GABRG3: variants seen among roughly 807,000 people sequenced by gnomAD.
The protein encoded by GABRG3 is gamma-aminobutyric acid receptor subunit gamma-3.
A neutral mutation model predicts 48.8 loss-of-function variants in GABRG3; 25 were observed. The observed-to-expected ratio is 0.51, with a 90% CI of 0.37 to 0.72. GABRG3 has a LOEUF of 0.72. Among genes scored for constraint, GABRG3 ranks in the 30% least tolerant of loss-of-function variants. The probability of loss-of-function intolerance (pLI) is 0.00; values close to 1 mark genes in which losing one functional copy is unlikely to be tolerated. For missense variants in GABRG3, 394 were observed against 577.9 expected (o/e 0.68, Z 3.26); for synonymous variants, 227 against 217.6 (o/e 1.04, Z -0.38).
chr15:27,222,962 C>T (rs544773021), intron 3 of GABRG3, among the ~76,000 whole-genome samples: 188 of 152,326 alleles, frequency 1.2e-3, no homozygotes, highest in Non-Finnish European at 2.4e-3. Context: ...AACTTTCAAG[C>T]ATAAGAGATT....
intron 3 of GABRG3, among the ~76,000 whole-genome samples, chr15:27,287,145 GCCTATGTAT>G (rs1214599939): frequency 1.3e-5 from 2 of 152,136 alleles, no homozygotes; most frequent in Non-Finnish European, 2.9e-5. Flanking sequence ...TTGTGAATGT[GCCTATGTAT>G]CCTTCAGCAC....
chr15:27,229,071 A>G (rs1376544809), intron 3 of GABRG3, among the ~76,000 whole-genome samples: 1 of 152,222 alleles, frequency 6.6e-6, no homozygotes, highest in African/African-American at 2.4e-5. Context: ...AAGTTTAATT[A>G]GATCCCACTT....
chr15:27,393,067 T>C (rs1202570076), intron 5 of GABRG3, among the ~76,000 whole-genome samples: 3 of 152,132 alleles, frequency 2.0e-5, no homozygotes, highest in Admixed American at 6.5e-5. Context: ...GGATGTGGTC[T>C]GGGCGCAGTG....
At chr15:27,156,417 A>G (rs1898430625) in intron 3 of GABRG3, among the ~76,000 whole-genome samples, 1 of 151,642 alleles carries the variant, frequency 6.6e-6, no homozygotes. Flanking sequence ...TAAAATTCCC[A>G]TGCATTGGTG....
chr15:27,066,722 C>T (rs1363374991), intron 3 of GABRG3, among the ~76,000 whole-genome samples: 2 of 151,976 alleles, frequency 1.3e-5, no homozygotes, highest in African/African-American at 2.4e-5. Context: ...GTCACTTTTC[C>T]TGGACGCCCA....
intron 3 of GABRG3, among the ~76,000 whole-genome samples, chr15:27,320,473 G>A (rs552040849): frequency 6.6e-5 from 10 of 152,220 alleles, no homozygotes; most frequent in African/African-American, 1.7e-4. Context: ...AACTTTACAC[G>A]AGAGAAACCT....
intron 5 of GABRG3, among the ~76,000 whole-genome samples, chr15:27,376,485 G>A (rs562809207): frequency 2.0e-5 from 3 of 152,318 alleles, no homozygotes; most frequent in South Asian, 2.1e-4. Context: ...AAACTTCTGC[G>A]TGGGCATCCA....
intron 3 of GABRG3, among the ~76,000 whole-genome samples, chr15:27,302,982 C>T (rs530843618): frequency 2.9e-4 from 44 of 151,760 alleles, no homozygotes; most frequent in African/African-American, 1.0e-3. Context: ...TAAAAGACTG[C>T]TTAGAGAGAA....
chr15:26,996,386 C>T (rs1017045249), intron 2 of GABRG3, among the ~76,000 whole-genome samples: 1 of 152,030 alleles, frequency 6.6e-6, no homozygotes, highest in African/African-American at 2.4e-5. Context: ...ATATTAATCA[C>T]TTTGAATATG....
chr15:27,264,209 A>G (rs1384479621), intron 3 of GABRG3, among the ~76,000 whole-genome samples: 3 of 152,034 alleles, frequency 2.0e-5, no homozygotes, highest in Non-Finnish European at 4.4e-5. Context: ...CCCAAATACT[A>G]AACATAAAAT....
At chr15:27,528,580 G>A (rs1214990760) in intron 9 of GABRG3, among the ~76,000 whole-genome samples, 1 of 152,144 alleles carries the variant, frequency 6.6e-6, no homozygotes, top group African/African-American at 2.4e-5. Flanking sequence ...TTGCCAAATA[G>A]CACTCCACCA....
At chr15:27,296,288 TGAA>T (rs1249099469) in intron 3 of GABRG3, among the ~76,000 whole-genome samples, 1 of 152,020 alleles carries the variant, frequency 6.6e-6, no homozygotes, top group Non-Finnish European at 1.5e-5. Context: ...TTTAACTGAC[TGAA>T]AAAGAAGTTG....
intron 2 of GABRG3, among the ~76,000 whole-genome samples, chr15:27,025,565 T>C: frequency 6.6e-6 from 1 of 152,188 alleles, no homozygotes; most frequent in East Asian, 1.9e-4. Context: ...TGACAGACGT[T>C]GTAGGAGTTG....
intron 5 of GABRG3, among the ~76,000 whole-genome samples, chr15:27,472,708 T>A (rs1889822267): frequency 6.6e-6 from 1 of 152,224 alleles, no homozygotes; most frequent in African/African-American, 2.4e-5. Context: ...ATGATCTTGC[T>A]TTCAATTTTA....
intron 3 of GABRG3, among the ~76,000 whole-genome samples, chr15:27,099,860 A>T (rs1367879085): frequency 6.6e-6 from 1 of 152,184 alleles, no homozygotes; most frequent in Non-Finnish European, 1.5e-5. Flanking sequence ...TTCTACAGCC[A>T]CTAAAGGGAT....
chr15:26,995,143 A>T, intron 2 of GABRG3, among the ~76,000 whole-genome samples: 1 of 152,100 alleles, frequency 6.6e-6, no homozygotes, highest in Non-Finnish European at 1.5e-5. Flanking sequence ...TGTTAGGTAC[A>T]TAAATATTTA....
At chr15:27,341,139 T>A (rs756604905) in intron 5 of GABRG3, 1 of 277,634 alleles carries the variant, frequency 3.6e-6, no homozygotes, top group Non-Finnish European at 7.4e-6. Flanking sequence ...GTTTTGTTTT[T>A]ATATGTGGCT....
chr15:27,459,069 A>G (rs985410490), intron 5 of GABRG3, among the ~76,000 whole-genome samples: 2 of 152,202 alleles, frequency 1.3e-5, no homozygotes, highest in African/African-American at 4.8e-5. Context: ...CTTTCCCCAG[A>G]AATACTTCCC....
chr15:27,279,852 A>G (rs1361347481), intron 3 of GABRG3, among the ~76,000 whole-genome samples: 2 of 152,330 alleles, frequency 1.3e-5, no homozygotes, highest in East Asian at 3.9e-4. Flanking sequence ...TAGAGCAGTG[A>G]CATCTGAAAT....
Sources: gnomAD v4.1 joint callset for allele counts (sites outside exome capture counted in the v4.1 genomes callset) on GRCh38, gnomAD v4.1.1 for gene constraint, MANE v1.5 for transcripts, NCBI Gene and HGNC (gene_info 2026-07-23, HGNC 2026-07-21) for gene names.